The following PRKG1 variants were observed in gnomAD, a reference collection of about 807,000 sequenced individuals.
The protein encoded by PRKG1 is protein kinase cGMP-dependent 1.
PRKG1 carries 35 observed loss-of-function variants against 88.1 expected under a neutral mutation model. The observed-to-expected ratio is 0.40, with a 90% CI of 0.30 to 0.53. The LOEUF (loss-of-function observed/expected upper bound fraction) is 0.53, where lower values mean the gene tolerates loss of function less well. PRKG1 is among the 20% of genes least tolerant of loss of function. The pLI is 0.59. For missense variants in PRKG1, 540 were observed against 839.8 expected (o/e 0.64, Z 4.41); for synonymous variants, 303 against 292.5 (o/e 1.04, Z -0.37).
intron 3 of PRKG1, among the ~76,000 whole-genome samples, chr10:51,657,779 G>A (rs1840197874): frequency 6.6e-6 from 1 of 152,042 alleles, no homozygotes; most frequent in Non-Finnish European, 1.5e-5. Context: ...TTTTTAACAG[G>A]CTTCCAACAG....
intron 2 of PRKG1, among the ~76,000 whole-genome samples, chr10:51,319,577 A>G (rs1049878404): frequency 6.6e-6 from 1 of 152,208 alleles, no homozygotes; most frequent in Admixed American, 6.5e-5. Context: ...TTTTAGAAGT[A>G]CCATACAGAT....
At chr10:52,106,643 G>T (rs1199990322) in intron 7 of PRKG1, among the ~76,000 whole-genome samples, 1 of 151,230 alleles carries the variant, frequency 6.6e-6, no homozygotes, top group East Asian at 1.9e-4. Context: ...GGTGGAGCTT[G>T]CAGTGAGCCG....
At chr10:52,180,469 T>C (rs1205285396) in intron 9 of PRKG1, among the ~76,000 whole-genome samples, 4 of 152,208 alleles carry the variant, frequency 2.6e-5, no homozygotes, top group Admixed American at 1.3e-4. Context: ...GTCCCAGTGT[T>C]GATTTCCATT....
chr10:51,882,847 T>G (rs1041734656), intron 4 of PRKG1, among the ~76,000 whole-genome samples: 2 of 152,200 alleles, frequency 1.3e-5, no homozygotes, highest in African/African-American at 4.8e-5. Context: ...AGTACTGGGA[T>G]CTACAATTTA....
intron 9 of PRKG1, among the ~76,000 whole-genome samples, chr10:52,239,966 G>T (rs181040625): frequency 6.6e-6 from 1 of 152,286 alleles, no homozygotes; most frequent in Non-Finnish European, 1.5e-5. Context: ...CCTGCTCAAT[G>T]AATTTTACTG....
chr10:52,102,560 C>T (rs1050755679), intron 7 of PRKG1, among the ~76,000 whole-genome samples: 4 of 133,214 alleles, frequency 3.0e-5, no homozygotes, highest in Middle Eastern at 4.6e-3. Flanking sequence ...GAGCCAATCA[C>T]GAAAATCATG....
At chr10:51,472,319 A>T (rs1249468192) in intron 3 of PRKG1, among the ~76,000 whole-genome samples, 1 of 151,940 alleles carries the variant, frequency 6.6e-6, no homozygotes, top group Non-Finnish European at 1.5e-5. Flanking sequence ...ACATTATTCA[A>T]ACTGTATCAG....
intron 4 of PRKG1, among the ~76,000 whole-genome samples, chr10:51,825,215 A>C (rs914553706): frequency 2.0e-5 from 3 of 152,134 alleles, no homozygotes; most frequent in Non-Finnish European, 4.4e-5. Flanking sequence ...CATTTTCTGT[A>C]TGGGCTAGAA....
At chr10:52,289,047 T>C in intron 16 of PRKG1, 54 bp downstream of exon 16, 2 of 1,516,202 alleles carry the variant, frequency 1.3e-6, no homozygotes, top group East Asian at 2.3e-5. Flanking sequence ...CCCCAGGGTG[T>C]TGCTTTTTAA....
chr10:51,595,125 T>C (rs1057227202), intron 3 of PRKG1, among the ~76,000 whole-genome samples: 1 of 152,112 alleles, frequency 6.6e-6, no homozygotes, highest in Admixed American at 6.6e-5. Context: ...GGCAGAAAGA[T>C]TGCTTGGGTC....
intron 7 of PRKG1, among the ~76,000 whole-genome samples, chr10:52,072,243 G>C (rs973996759): frequency 1.5e-5 from 2 of 134,318 alleles, no homozygotes; most frequent in African/African-American, 2.8e-5. Flanking sequence ...GATTATTCTC[G>C]TGAGGATTAT....
At chr10:52,238,705 A>C (rs1390070879) in intron 9 of PRKG1, among the ~76,000 whole-genome samples, 2 of 148,058 alleles carry the variant, frequency 1.4e-5, no homozygotes, top group African/African-American at 4.9e-5. Flanking sequence ...AAATAGGAAC[A>C]CTTTTACACT....
intron 5 of PRKG1, among the ~76,000 whole-genome samples, chr10:51,967,440 T>C (rs975719927): frequency 2.0e-5 from 3 of 152,002 alleles, no homozygotes; most frequent in African/African-American, 4.8e-5. Context: ...GGGATAGCAT[T>C]AGGAGATATA....
At chr10:51,732,026 C>T (rs1339561838) in intron 3 of PRKG1, among the ~76,000 whole-genome samples, 1 of 110,408 alleles carries the variant, frequency 9.1e-6, no homozygotes, top group Non-Finnish European at 1.9e-5. Context: ...TCCCTCCCTT[C>T]CTTCCTTCTT....
chr10:51,678,115 G>C (rs1840756375), intron 3 of PRKG1, among the ~76,000 whole-genome samples: 1 of 152,088 alleles, frequency 6.6e-6, no homozygotes, highest in African/African-American at 2.4e-5. Flanking sequence ...GGGAGAAAGA[G>C]GTCATGCTTT....
intron 5 of PRKG1, among the ~76,000 whole-genome samples, chr10:52,033,700 G>A (rs967721682): frequency 1.3e-5 from 2 of 152,138 alleles, no homozygotes; most frequent in African/African-American, 2.4e-5. Context: ...GATTATGAAA[G>A]TAGTGCAGGA....
intron 5 of PRKG1, among the ~76,000 whole-genome samples, chr10:52,007,062 C>T (rs2133161635): frequency 6.6e-6 from 1 of 152,248 alleles, no homozygotes; most frequent in South Asian, 2.1e-4. Context: ...GATCCTTTTT[C>T]AGAGAAGCAA....
At chr10:51,199,001 T>C (rs930658795) in intron 2 of PRKG1, among the ~76,000 whole-genome samples, 8 of 152,234 alleles carry the variant, frequency 5.3e-5, no homozygotes, top group African/African-American at 1.7e-4. Flanking sequence ...TCATCTTTGA[T>C]AAGAAGTGAT....
chr10:51,803,477 G>T (rs1205306032), intron 3 of PRKG1, among the ~76,000 whole-genome samples: 1 of 152,108 alleles, frequency 6.6e-6, no homozygotes, highest in South Asian at 2.1e-4. Context: ...GTTCGTTTGT[G>T]TGTAACTTCT....
Sources: allele counts gnomAD v4.1 joint callset (sites outside exome capture counted in the v4.1 genomes callset), GRCh38; gene constraint gnomAD v4.1.1; transcripts MANE v1.5; gene names NCBI Gene and HGNC (gene_info 2026-07-23, HGNC 2026-07-21).